SKAP1: variants seen among roughly 807,000 people sequenced by gnomAD.
SKAP1 encodes the protein src kinase-associated phosphoprotein 1.
In SKAP1, 44 loss-of-function variants were observed where a neutral mutation model predicts 58.5. The ratio of observed to expected loss-of-function variants is 0.75; its 90% CI spans 0.59 to 0.97. The LOEUF (loss-of-function observed/expected upper bound fraction) is 0.97, where lower values mean the gene tolerates loss of function less well. Among genes scored for constraint, SKAP1 ranks in the 50% least tolerant of loss-of-function variants. The pLI, the probability that SKAP1 is intolerant of heterozygous loss-of-function variation, is 0.00. For synonymous variants in SKAP1, 127 were observed against 149.7 expected, an observed-to-expected ratio of 0.85 and a Z score of 1.11; for missense variants, 390 against 435.2, an observed-to-expected ratio of 0.90 and a Z score of 0.92.
At chr17:48,426,769 T>G (rs2067857693) in intron 1 of SKAP1, among the ~76,000 whole-genome samples, 1 of 152,108 alleles carries the variant, frequency 6.6e-6, no homozygotes, top group Non-Finnish European at 1.5e-5. Flanking sequence ...CTTGACAGAG[T>G]CTATCTAAAG....
At chr17:48,230,753 T>C (rs2065117355) in intron 4 of SKAP1, among the ~76,000 whole-genome samples, 1 of 151,994 alleles carries the variant, frequency 6.6e-6, no homozygotes, top group African/African-American at 2.4e-5. Context: ...TGAGACCCTG[T>C]CTCAAAAAAA....
At chr17:48,189,308 G>C in intron 5 of SKAP1, 115 bp downstream of exon 5, 4 of 794,842 alleles carry the variant, frequency 5.0e-6, no homozygotes, top group Non-Finnish European at 8.0e-6. Flanking sequence ...CTTTTGCCTT[G>C]TATCCGCCTA....
intron 3 of SKAP1, 101 bp from the exon 4 acceptor site, chr17:48,346,107 C>A (rs556580552): frequency 3.4e-6 from 2 of 587,102 alleles, no homozygotes; most frequent in African/African-American, 2.0e-5. Flanking sequence ...TTCCAGTATT[C>A]GAAAAAAAAG....
chr17:48,325,054 C>T (rs936277141), intron 4 of SKAP1, among the ~76,000 whole-genome samples: 1 of 152,062 alleles, frequency 6.6e-6, no homozygotes, highest in Non-Finnish European at 1.5e-5. Flanking sequence ...CGAGACCATC[C>T]TGGCTAACAC....
intron 11 of SKAP1, among the ~76,000 whole-genome samples, chr17:48,147,563 A>G (rs942769345): frequency 5.9e-5 from 9 of 152,208 alleles, no homozygotes; most frequent in Admixed American, 4.6e-4. Context: ...TTCACCAAAG[A>G]CAAAGTGCCC....
At chr17:48,364,862 G>C (rs1332400851) in intron 2 of SKAP1, among the ~76,000 whole-genome samples, 1 of 152,020 alleles carries the variant, frequency 6.6e-6, no homozygotes, top group Admixed American at 6.6e-5. Flanking sequence ...TGGCAAAACT[G>C]ACAACCCTTG....
At chr17:48,163,373 A>G (rs535632583) in intron 10 of SKAP1, among the ~76,000 whole-genome samples, 2 of 152,348 alleles carry the variant, frequency 1.3e-5, no homozygotes, top group South Asian at 2.1e-4. Flanking sequence ...CTAGATGGCA[A>G]TGATGCCACA....
chr17:48,401,031 C>T (rs1046199346), intron 1 of SKAP1, among the ~76,000 whole-genome samples: 3 of 152,076 alleles, frequency 2.0e-5, no homozygotes, highest in Admixed American at 1.3e-4. Context: ...AATGGCCGGG[C>T]GTGTTGGCTC....
intron 4 of SKAP1, among the ~76,000 whole-genome samples, chr17:48,315,465 G>T (rs945136176): frequency 6.6e-6 from 1 of 152,144 alleles, no homozygotes; most frequent in African/African-American, 2.4e-5. Context: ...CCAAAGAAAA[G>T]ACGTTGGAAG....
At chr17:48,166,931 C>T (rs1047083725) in intron 10 of SKAP1, among the ~76,000 whole-genome samples, 7 of 151,934 alleles carry the variant, frequency 4.6e-5, no homozygotes, top group African/African-American at 9.7e-5. Context: ...GTGGCACAAT[C>T]ATAGCTCACT....
chr17:48,244,890 T>A (rs1274233639), intron 4 of SKAP1, among the ~76,000 whole-genome samples: 2 of 152,240 alleles, frequency 1.3e-5, no homozygotes, highest in African/African-American at 4.8e-5. Flanking sequence ...AAATGATGCA[T>A]GGATGCTTGC....
At chr17:48,347,376 T>C (rs954927591) in intron 3 of SKAP1, among the ~76,000 whole-genome samples, 5 of 152,218 alleles carry the variant, frequency 3.3e-5, no homozygotes, top group Non-Finnish European at 5.9e-5. Context: ...ACATAGAATC[T>C]GTATTGCCTC....
chr17:48,296,882 C>T (rs1191441059), intron 4 of SKAP1, among the ~76,000 whole-genome samples: 3 of 151,934 alleles, frequency 2.0e-5, no homozygotes, highest in African/African-American at 7.2e-5. Context: ...GAAACTGAAG[C>T]CATTTTTCCT....
rs369777616 is a variant in SKAP1 at position 48,138,244 on chromosome 17, G to A, written c.979-907C>T. Reference sequence around the variant, plus strand: ...TTTTGAGACGGAGTCTCGCACTGTCGCCCAGGCTGGAGTGCAGTGGCAAGA... The same window carrying A: ...TTTTGAGACGGAGTCTCGCACTGTCACCCAGGCTGGAGTGCAGTGGCAAGA... On this transcript the variant is annotated intron_variant, in intron 11 of 12. Transcript: ENST00000336915. Among the ~76,000 whole-genome samples, 276 of 150,934 alleles carry A rather than the reference G, an allele frequency of 1.8e-3. 2 individuals are homozygous for A. Among genetic ancestry groups the A allele is most frequent in the Middle Eastern group, 6.8e-3 (2 of 294 alleles).
At chr17:48,137,118 G>T (rs1403798535) in intron 12 of SKAP1, 111 bp downstream of exon 12, 5 of 630,446 alleles carry the variant, frequency 7.9e-6, no homozygotes, top group Non-Finnish European at 1.4e-5. Context: ...ATTAGTATGA[G>T]AAATGAAGAA....
chr17:48,184,953 C>T (rs1025336594), intron 6 of SKAP1, 106 bp from the exon 7 acceptor site: 2 of 1,085,982 alleles, frequency 1.8e-6, no homozygotes, highest in South Asian at 1.6e-5. Context: ...TGTTACATCC[C>T]TGAGGAACCA....
intron 4 of SKAP1, among the ~76,000 whole-genome samples, chr17:48,338,088 CCTTTCTTTCTTTTT>C (rs1270960709): frequency 3.3e-5 from 5 of 150,904 alleles, no homozygotes; most frequent in Non-Finnish European, 4.4e-5. Context: ...TTTCTTCCTT[CCTTTCTTTCTTTTT>C]CTTTCTTTCT....
intron 1 of SKAP1, among the ~76,000 whole-genome samples, chr17:48,408,635 T>C (rs985159119): frequency 3.9e-5 from 6 of 152,200 alleles, no homozygotes; most frequent in African/African-American, 1.4e-4. Context: ...ATACTATTGT[T>C]TCATTGTATA....
chr17:48,362,808 T>C (rs1315598252), intron 3 of SKAP1, among the ~76,000 whole-genome samples: 1 of 152,220 alleles, frequency 6.6e-6, no homozygotes. Context: ...TTTAATTTAT[T>C]TAAGGTATTA....
Sources: allele counts gnomAD v4.1 joint callset (sites outside exome capture counted in the v4.1 genomes callset), GRCh38; gene constraint gnomAD v4.1.1; transcripts MANE v1.5; gene names NCBI Gene and HGNC (gene_info 2026-07-23, HGNC 2026-07-21).